The following ASIC2 variants were observed in gnomAD, a reference collection of about 807,000 sequenced individuals.
ASIC2 encodes the protein acid sensing ion channel subunit 2.
In ASIC2, 25 loss-of-function variants were observed where a neutral mutation model predicts 57.3. The ratio of observed to expected loss-of-function variants is 0.44; its 90% confidence interval spans 0.32 to 0.61. ASIC2 has a LOEUF of 0.61. Ranked by LOEUF, ASIC2 falls within the 20% of genes least tolerant of loss-of-function variation. ASIC2 has a pLI of 0.06. For missense variants in ASIC2, 641 were observed against 738.1 expected (o/e 0.87, Z 1.52); for synonymous variants, 319 against 307.5 (o/e 1.04, Z -0.39).
intron 1 of ASIC2, among the ~76,000 whole-genome samples, chr17:33,611,566 G>T (rs1272785646): frequency 6.6e-6 from 1 of 152,182 alleles, no homozygotes; most frequent in East Asian, 1.9e-4. Context: ...GCTAGGCAGG[G>T]TCAATCCAGA....
At chr17:33,897,164 G>A (rs1433310263) in intron 1 of ASIC2, among the ~76,000 whole-genome samples, 1 of 152,172 alleles carries the variant, frequency 6.6e-6, no homozygotes, top group African/African-American at 2.4e-5. Context: ...ACTTTGAAAA[G>A]GAGGGATTTT....
intron 1 of ASIC2, among the ~76,000 whole-genome samples, chr17:34,105,830 C>A (rs1479948197): frequency 6.6e-6 from 1 of 151,976 alleles, no homozygotes; most frequent in Non-Finnish European, 1.5e-5. Context: ...ACATTTATCA[C>A]TAAATAATTC....
chr17:33,818,156 G>A (rs1338608811), intron 1 of ASIC2, among the ~76,000 whole-genome samples: 2 of 152,152 alleles, frequency 1.3e-5, no homozygotes, highest in Admixed American at 1.3e-4. Context: ...ACCTCTTGAT[G>A]AGGGTGTAAC....
intron 1 of ASIC2, among the ~76,000 whole-genome samples, chr17:33,181,920 G>T (rs1212950595): frequency 6.6e-6 from 1 of 152,220 alleles, no homozygotes; most frequent in East Asian, 1.9e-4. Context: ...TGTGGCAGGA[G>T]CTGGAGTCAG....
chr17:33,503,184 C>T (rs951310455), intron 1 of ASIC2, among the ~76,000 whole-genome samples: 1 of 152,080 alleles, frequency 6.6e-6, no homozygotes, highest in South Asian at 2.1e-4. Context: ...CATGGAACGG[C>T]GTTGGAGATG....
intron 1 of ASIC2, among the ~76,000 whole-genome samples, chr17:33,697,900 CAGTG>C (rs1908578383): frequency 6.6e-6 from 1 of 152,186 alleles, no homozygotes; most frequent in Admixed American, 6.5e-5. Context: ...AGAACTTTTG[CAGTG>C]AGTGTCTTGA....
intron 1 of ASIC2, among the ~76,000 whole-genome samples, chr17:33,815,927 A>G (rs959855893): frequency 1.3e-5 from 2 of 152,222 alleles, no homozygotes; most frequent in Non-Finnish European, 2.9e-5. Context: ...ATCCAGGGCT[A>G]GTATCACAGT....
intron 1 of ASIC2, among the ~76,000 whole-genome samples, chr17:34,131,832 G>C (rs1392695106): frequency 1.3e-5 from 2 of 152,216 alleles, no homozygotes; most frequent in Non-Finnish European, 2.9e-5. Flanking sequence ...TGAAAGGTCT[G>C]AGAATCTGGA....
intron 1 of ASIC2, among the ~76,000 whole-genome samples, chr17:34,126,967 C>T (rs1448987565): frequency 6.6e-6 from 1 of 152,092 alleles, no homozygotes; most frequent in Non-Finnish European, 1.5e-5. Flanking sequence ...CAGATTATTC[C>T]ACCCTCCAAC....
At chr17:33,566,704 C>A (rs1916244493) in intron 1 of ASIC2, among the ~76,000 whole-genome samples, 1 of 152,134 alleles carries the variant, frequency 6.6e-6, no homozygotes, top group Non-Finnish European at 1.5e-5. Context: ...TCTCTATCTC[C>A]AGGATTCCCT....
chr17:33,720,645 T>G (rs1909361454), intron 1 of ASIC2, among the ~76,000 whole-genome samples: 1 of 152,180 alleles, frequency 6.6e-6, no homozygotes, highest in African/African-American at 2.4e-5. Context: ...ACAGAGTTGT[T>G]AGGTGATAGC....
intron 1 of ASIC2, among the ~76,000 whole-genome samples, chr17:33,479,336 A>G (rs1011680860): frequency 2.0e-5 from 3 of 152,032 alleles, no homozygotes; most frequent in Non-Finnish European, 4.4e-5. Flanking sequence ...AGCTGTTTCT[A>G]TATTTGTTGA....
chr17:33,431,781 AGGG>A, intron 1 of ASIC2, among the ~76,000 whole-genome samples: 1 of 152,230 alleles, frequency 6.6e-6, no homozygotes, highest in African/African-American at 2.4e-5. Context: ...AAAAATATTG[AGGG>A]CAAAACCCAC....
At chr17:33,492,914 C>T (rs72823223) in intron 1 of ASIC2, among the ~76,000 whole-genome samples, 3,201 of 152,282 alleles carry the variant, frequency 0.021, 43 homozygotes, top group Non-Finnish European at 0.033. Flanking sequence ...CAAGGGCCCC[C>T]GTGCAGCCCT....
At chr17:33,211,329 T>A (rs778516450) in intron 1 of ASIC2, among the ~76,000 whole-genome samples, 1 of 152,062 alleles carries the variant, frequency 6.6e-6, no homozygotes, top group Non-Finnish European at 1.5e-5. Flanking sequence ...ATCATGTTGA[T>A]GGCTTCAAGT....
At chr17:34,034,584 A>C (rs564106523) in intron 1 of ASIC2, among the ~76,000 whole-genome samples, 1 of 152,208 alleles carries the variant, frequency 6.6e-6, no homozygotes, top group Non-Finnish European at 1.5e-5. Flanking sequence ...CCCTGTTTGC[A>C]GATGACATGA....
chr17:33,519,303 TGAG>T (rs1348252852), intron 1 of ASIC2, among the ~76,000 whole-genome samples: 2 of 152,074 alleles, frequency 1.3e-5, no homozygotes, highest in African/African-American at 4.8e-5. Context: ...CTGGTGGAAG[TGAG>T]GGAGGAATGC....
intron 1 of ASIC2, among the ~76,000 whole-genome samples, chr17:34,054,454 A>G (rs1908687899): frequency 2.0e-5 from 3 of 152,162 alleles, no homozygotes; most frequent in African/African-American, 7.2e-5. Context: ...GTGGAGATGT[A>G]TGGGTACCCT....
intron 1 of ASIC2, among the ~76,000 whole-genome samples, chr17:33,525,655 C>T (rs1220068466): frequency 6.6e-6 from 1 of 152,238 alleles, no homozygotes; most frequent in East Asian, 1.9e-4. Flanking sequence ...TCTGCATTAC[C>T]TAGACGGACT....
Sources: gnomAD v4.1 joint callset for allele counts (sites outside exome capture counted in the v4.1 genomes callset) on GRCh38, gnomAD v4.1.1 for gene constraint, MANE v1.5 for transcripts, NCBI Gene and HGNC (gene_info 2026-07-23, HGNC 2026-07-21) for gene names.